Variants in FCRL1 observed in about 807,000 individuals in gnomAD.
The protein encoded by FCRL1 is Fc receptor like 1.
In FCRL1, 34 loss-of-function variants were observed where a neutral mutation model predicts 49.2. The ratio of observed to expected loss-of-function variants is 0.69; its 90% CI spans 0.53 to 0.92. FCRL1 has a LOEUF of 0.92. Among genes scored for constraint, FCRL1 ranks in the 40% least tolerant of loss-of-function variants. FCRL1 has a pLI of 0.00. For synonymous variants in FCRL1, 218 were observed against 201.6 expected (o/e 1.08, Z -0.69); for missense variants, 524 against 524.1 (o/e 1.00, Z 0.00).
intron 1 of FCRL1, 45 bp from the exon 2 acceptor site, chr1:157,807,167 A>T (rs758964228): frequency 6.2e-7 from 1 of 1,601,710 alleles, no homozygotes; most frequent in South Asian, 1.1e-5. Context: ...AGCAAATCCC[A>T]CAAATCTCCA....
rs1272610551 is a variant in FCRL1 at position 157,802,207 on chromosome 1, T to C, written c.608-14A>G. On this transcript the variant is annotated splice_polypyrimidine_tract_variant and intron_variant, in intron 4 of 10. Coordinates refer to ENST00000368176, the MANE Select transcript of FCRL1 (RefSeq NM_052938.5). ...GAGACACCGGGACTGAGGGAGACAG[T>C]AGACTGTAAGAGACAGTCTCTGACA... 6.2e-7 allele frequency: 1 copy of C among 1,608,886 alleles called. No individual in the cohort carries two copies. Among genetic ancestry groups the C allele is most frequent in the Non-Finnish European group, 8.5e-7 (1 of 1,177,478 alleles).
intron 10 of FCRL1, 55 bp downstream of exon 10, chr1:157,797,046 A>G: frequency 6.4e-6 from 10 of 1,572,906 alleles, no homozygotes; most frequent in Non-Finnish European, 8.7e-6. Flanking sequence ...AAGTTTGAGA[A>G]CCAGTCCCCA....
chr1:157,810,300 C>CT (rs546970268), intron 1 of FCRL1, among the ~76,000 whole-genome samples: 58,169 of 145,934 alleles, frequency 0.4, 13,673 homozygotes, highest in East Asian at 0.53. Context: ...TTTCTTTTTT[C>CT]TTTTTTTTTT....
At chr1:157,797,171 A>G (rs368127320) in intron 9 of FCRL1, 39 bp from the exon 10 acceptor site, 101 of 1,600,970 alleles carry the variant, frequency 6.3e-5, no homozygotes, top group Non-Finnish European at 7.9e-5. Context: ...TTCCACTTAT[A>G]TTTAAAGTCC....
chr1:157,803,940 G>A lies in FCRL1; in HGVS notation c.224C>T (p.Ala75Val), dbSNP rs1652955517. 2 of 1,614,168 alleles carry A rather than the reference G, an allele frequency of 1.2e-6. No individual in the cohort carries two copies. Among genetic ancestry groups the A allele is most frequent in the Middle Eastern group, 1.6e-4 (1 of 6,062 alleles). The change falls in exon 3 of 11, where the codon GCC becomes GTC. Residue 75 changes from alanine to valine, a missense_variant. Physicochemically the swap from Ala to Val is moderately conservative, Grantham distance 64 (BLOSUM62 0). Coordinates refer to ENST00000368176, the MANE Select transcript of FCRL1 (RefSeq NM_052938.5). ...WSSSPKLQIAAMWKEDTGSYW... is the reference protein window; with the variant it reads ...WSSSPKLQIAVMWKEDTGSYW... ...TGACCCTGTGTCTTCTTTCCACATG[G>A]CAGCGATCTGGAGCTTGGGGGAGCT...
At chr1:157,798,921 C>T (rs891306215) in intron 7 of FCRL1, among the ~76,000 whole-genome samples, 3 of 152,174 alleles carry the variant, frequency 2.0e-5, no homozygotes, top group African/African-American at 4.8e-5. Context: ...CAGCACTCAA[C>T]AGAATGACTT....
chr1:157,801,117 C>T (rs1163836705), intron 6 of FCRL1, among the ~76,000 whole-genome samples: 1 of 152,172 alleles, frequency 6.6e-6, no homozygotes, highest in East Asian at 1.9e-4. Flanking sequence ...GTCTCGATCT[C>T]CTGACCTTGT....
intron 2 of FCRL1, 138 bp from the exon 3 acceptor site, chr1:157,804,249 C>CG (rs1491351208): frequency 1.6e-4 from 154 of 978,810 alleles, no homozygotes; most frequent in Middle Eastern, 1.3e-3. Flanking sequence ...TGTCTCCACC[C>CG]CCCCCCCAGT....
chr1:157,820,078 C>A lies in FCRL1; in HGVS notation c.-41G>T. ...GATGGTACCTAGAGATGCCTCTCAT[C>A]AAAAAAAGAATGCACCTCAGAGTCG... On this transcript the variant is annotated 5_prime_UTR_variant, in exon 1 of 11. Coordinates refer to ENST00000368176, the MANE Select transcript of FCRL1 (RefSeq NM_052938.5). 6.2e-7 allele frequency: 1 copy of A among 1,612,244 alleles called. No individual in the cohort carries two copies. The highest frequency in any genetic ancestry group is 1.1e-5 in the South Asian group (1 of 90,992).
At position 157,797,112 on chromosome 1, in the gene FCRL1, T is replaced by C; in HGVS notation, c.1207A>G (p.Met403Val). ...SVAAETLGTH[M>V]EDKVSLDIYS... is the part of the protein sequence containing the mutation. ...ATAGAGACTCTTACCTTGTCCTCCA[T>C]ATGTGTCCCCAGGGTTTCTGCTGTG... Residue 403 changes from methionine to valine, a missense_variant, in exon 10 of 11, where the codon ATG becomes GTG. Transcript: ENST00000368176. The C allele has an allele frequency of 1.2e-6, 2 of 1,613,908 alleles. No homozygotes were observed. Among genetic ancestry groups the C allele is most frequent in the Non-Finnish European group, 8.5e-7 (1 of 1,179,802 alleles).
chr1:157,820,095 T>G lies in FCRL1; in HGVS notation c.-58A>C. On this transcript the variant is annotated 5_prime_UTR_variant, in exon 1 of 11. Transcript: ENST00000368176. ...CCTCTCATCAAAAAAAGAATGCACC[T>G]CAGAGTCGAGCAGCAGCAGCTCATC... 1 of 1,596,054 alleles carries G rather than the reference T, an allele frequency of 6.3e-7. No homozygotes were observed. Among genetic ancestry groups the G allele is most frequent in the Non-Finnish European group, 8.6e-7 (1 of 1,163,868 alleles).
intron 4 of FCRL1, 42 bp downstream of exon 4, chr1:157,802,335 A>G (rs757135159): frequency 2.5e-6 from 4 of 1,600,216 alleles, no homozygotes; most frequent in Non-Finnish European, 3.4e-6. Context: ...TGTGGAGCCC[A>G]GTTTGTGACT....
intron 1 of FCRL1, among the ~76,000 whole-genome samples, chr1:157,818,740 T>C (rs531117547): frequency 6.6e-6 from 1 of 152,276 alleles, no homozygotes; most frequent in East Asian, 1.9e-4. Flanking sequence ...TTGATTGTGG[T>C]GATAGTTGCA....
At position 157,818,473 on chromosome 1, in the gene FCRL1, C is replaced by T. The variant is rs115841768; in HGVS notation, c.31+1534G>A. On this transcript the variant is annotated intron_variant, in intron 1 of 10. Coordinates refer to ENST00000368176, the MANE Select transcript of FCRL1 (RefSeq NM_052938.5). Reference sequence around the variant, plus strand: ...ACGTTGATCTCATAGAAGGACGGTGCAGAATCATGGTTACAAGAAGCTTGG... The same window carrying T: ...ACGTTGATCTCATAGAAGGACGGTGTAGAATCATGGTTACAAGAAGCTTGG... Among the ~76,000 whole-genome samples, 919 of 152,030 alleles carry T rather than the reference C, an allele frequency of 6.0e-3. 9 individuals carry two copies. The highest frequency in any genetic ancestry group is 0.021 in the African/African-American group (875 of 41,446).
At chr1:157,819,466 T>G (rs1430433558) in intron 1 of FCRL1, among the ~76,000 whole-genome samples, 1 of 151,936 alleles carries the variant, frequency 6.6e-6, no homozygotes, top group African/African-American at 2.4e-5. Flanking sequence ...GCACATGAAG[T>G]GTAGTTACTG....
chr1:157,815,805 A>G (rs1374085437), intron 1 of FCRL1, among the ~76,000 whole-genome samples: 1 of 151,932 alleles, frequency 6.6e-6, no homozygotes, highest in Non-Finnish European at 1.5e-5. Flanking sequence ...ATAAAGGATT[A>G]TAAGAGACTA....
chr1:157,797,798 A>G, intron 9 of FCRL1, 70 bp downstream of exon 9: 1 of 1,612,682 alleles, frequency 6.2e-7, no homozygotes, highest in East Asian at 2.2e-5. Flanking sequence ...TGCCATGCAC[A>G]GCCACTGATT....
intron 5 of FCRL1, 63 bp downstream of exon 5, chr1:157,801,852 A>C (rs1652528218): frequency 2.0e-3 from 3,134 of 1,542,736 alleles, no homozygotes; most frequent in Non-Finnish European, 2.5e-3. Flanking sequence ...GGCACCAGCA[A>C]AACTCTCCCA....
chr1:157,812,818 A>C (rs1427837336), intron 1 of FCRL1, among the ~76,000 whole-genome samples: 2 of 152,168 alleles, frequency 1.3e-5, no homozygotes, highest in Non-Finnish European at 2.9e-5. Context: ...CCTGTGACCC[A>C]TGCCAGGGCC....
Sources: gnomAD v4.1 joint callset for allele counts (sites outside exome capture counted in the v4.1 genomes callset) on GRCh38, gnomAD v4.1.1 for gene constraint, MANE v1.5 for transcripts, NCBI Gene and HGNC (gene_info 2026-07-23, HGNC 2026-07-21) for gene names.